The following HCK variants were observed in gnomAD, a reference collection of about 807,000 sequenced individuals.
HCK encodes the protein HCK proto-oncogene, Src family tyrosine kinase, also known as tyrosine-protein kinase HCK.
A neutral mutation model predicts 70.4 loss-of-function variants in HCK; 40 were observed. That is an observed-to-expected ratio of 0.57 (90% CI 0.44 to 0.74). HCK has a LOEUF of 0.74. Among genes scored for constraint, HCK ranks in the 30% least tolerant of loss-of-function variants. HCK has a pLI of 0.00. For synonymous variants in HCK, 245 were observed against 263.2 expected, an observed-to-expected ratio of 0.93 and a Z score of 0.67; for missense variants, 568 against 697.2, an observed-to-expected ratio of 0.81 and a Z score of 2.09.
chr20:32,066,378 C>A (rs150315881), intron 1 of HCK, among the ~76,000 whole-genome samples: 3,951 of 123,636 alleles, frequency 0.032, 69 homozygotes, highest in Middle Eastern at 0.19. Flanking sequence ...GTGGCACGAT[C>A]TTGGCTCACT....
At position 32,071,700 on chromosome 20, in the gene HCK, G is replaced by A; in HGVS notation, c.101G>A (p.Gly34Asp). The A allele has an allele frequency of 6.2e-7, 1 of 1,614,158 alleles. No homozygotes were observed. The highest frequency in any genetic ancestry group is 8.5e-7 in the Non-Finnish European group (1 of 1,180,016). The change falls in exon 2 of 13, where the codon GGC becomes GAC. Residue 34 changes from glycine to aspartate, a missense_variant. By Grantham distance (94) the Gly-to-Asp change is moderately conservative (BLOSUM62 -1). Transcript: ENST00000375852. ...AAGTCCAAGTTCCTCCAGGTCGGAG[G>A]CAATACATTCTCAAAAACTGAAACC...
chr20:32,061,217 T>C (rs1217541959), intron 1 of HCK, among the ~76,000 whole-genome samples: 1 of 152,056 alleles, frequency 6.6e-6, no homozygotes, highest in Non-Finnish European at 1.5e-5. Flanking sequence ...CTCCTGACCT[T>C]GTGATTCGCC....
intron 1 of HCK, among the ~76,000 whole-genome samples, chr20:32,054,700 G>A (rs1457649886): frequency 2.0e-5 from 3 of 152,010 alleles, no homozygotes; most frequent in African/African-American, 4.8e-5. Flanking sequence ...CAGCTACTGG[G>A]GAGGCTGAGG....
chr20:32,094,694 G>GAA (rs1569009117), intron 11 of HCK, among the ~76,000 whole-genome samples: 32 of 87,892 alleles, frequency 3.6e-4, no homozygotes, highest in African/African-American at 1.9e-3. Flanking sequence ...CAAAAGAAAA[G>GAA]AAAAGAAAAG....
chr20:32,083,652 A>G (rs2045737466), intron 6 of HCK, among the ~76,000 whole-genome samples: 1 of 152,202 alleles, frequency 6.6e-6, no homozygotes, highest in Admixed American at 6.5e-5. Flanking sequence ...CATTTTACAG[A>G]TGAGAAAACT....
At chr20:32,084,352 G>T in intron 7 of HCK, 39 bp from the exon 8 acceptor site, 1 of 1,584,358 alleles carries the variant, frequency 6.3e-7, no homozygotes, top group Admixed American at 1.8e-5. Context: ...GGCTGGCTCG[G>T]TGCTTGTTGC....
intron 1 of HCK, among the ~76,000 whole-genome samples, chr20:32,052,785 G>T (rs991265806): frequency 4.7e-5 from 6 of 128,586 alleles, no homozygotes; most frequent in South Asian, 2.2e-4. Context: ...CCCTTCTTGG[G>T]GGGGGGCGGG....
intron 4 of HCK, among the ~76,000 whole-genome samples, chr20:32,074,115 T>A (rs1235013841): frequency 6.6e-6 from 1 of 152,138 alleles, no homozygotes; most frequent in Non-Finnish European, 1.5e-5. Context: ...CCAGGCCCCA[T>A]CGAGTCGACC....
intron 1 of HCK, among the ~76,000 whole-genome samples, chr20:32,063,992 CTTTTTTTTTTTTTTT>C (rs58620860): frequency 1.1e-4 from 6 of 54,210 alleles, no homozygotes; most frequent in Admixed American, 3.2e-4. Context: ...ATCTCTACTT[CTTTTTTTTTTTTTTT>C]TTTTTTTTTT....
chr20:32,067,893 A>G (rs2045482944), intron 1 of HCK, among the ~76,000 whole-genome samples: 1 of 152,182 alleles, frequency 6.6e-6, no homozygotes, highest in Non-Finnish European at 1.5e-5. Flanking sequence ...TAATTTTTAT[A>G]TTTATTATAT....
chr20:32,098,239 C>T (rs1401605976), intron 11 of HCK, among the ~76,000 whole-genome samples: 1 of 151,886 alleles, frequency 6.6e-6, no homozygotes, highest in Non-Finnish European at 1.5e-5. Flanking sequence ...ATGGAGTTGG[C>T]CAGGCTGGTC....
chr20:32,054,597 G>A (rs2045240396), intron 1 of HCK, among the ~76,000 whole-genome samples: 1 of 147,848 alleles, frequency 6.8e-6, no homozygotes, highest in African/African-American at 2.5e-5. Context: ...ACGAGGTCAG[G>A]AGATCGAGAC....
intron 1 of HCK, among the ~76,000 whole-genome samples, chr20:32,062,772 G>A (rs1361675143): frequency 1.3e-5 from 2 of 152,208 alleles, no homozygotes; most frequent in South Asian, 2.1e-4. Flanking sequence ...GTCACTCGGG[G>A]ATAAAGACAG....
intron 1 of HCK, among the ~76,000 whole-genome samples, chr20:32,053,979 G>A (rs1240048128): frequency 2.0e-5 from 3 of 151,228 alleles, no homozygotes; most frequent in Non-Finnish European, 4.4e-5. Context: ...CTTATCCCAT[G>A]GTTTTCTCTT....
Position 32,079,075 on chromosome 20 carries a change from C to T in HCK, c.429-699C>T, listed in dbSNP as rs867757980. ...GTCTGGGGCTTTTTTCCAACTGCTC[C>T]TCACCCCAGTGAAGGTGGGAATGGA... is the stretch of plus-strand genomic sequence containing the variant. On this transcript the variant is annotated intron_variant, in intron 5 of 12. Transcript: ENST00000375852. 1.6e-4 allele frequency among the ~76,000 whole-genome samples: 25 copies of T among 152,278 alleles called. 2 individuals are homozygous for T. In the Middle Eastern group the frequency reaches 0.031, roughly 186 times the overall value.
Position 32,059,608 on chromosome 20 carries a change from G to A in HCK, c.62+7122G>A, listed in dbSNP as rs531633156. 2.1e-4 allele frequency among the ~76,000 whole-genome samples: 32 copies of A among 151,714 alleles called. No homozygotes were observed. The South Asian group carries it at 6.2e-3, about 30-fold the overall frequency. ...ATGGCTCATGCAGCCCCAACCTCCT[G>A]CGCTCAAGCGATCCTCCCACCTCAG... On this transcript the variant is annotated intron_variant, in intron 1 of 12. Coordinates refer to ENST00000375852, the MANE Select transcript of HCK (RefSeq NM_002110.5).
At chr20:32,074,793 C>A in intron 5 of HCK, 72 bp downstream of exon 5, 2 of 997,226 alleles carry the variant, frequency 2.0e-6, no homozygotes, top group Non-Finnish European at 1.6e-6. Flanking sequence ...CTCAGGACGT[C>A]TGCACACACT....
chr20:32,091,425 G>A (rs1048557243), intron 10 of HCK, among the ~76,000 whole-genome samples: 3 of 152,186 alleles, frequency 2.0e-5, no homozygotes, highest in Admixed American at 2.0e-4. Context: ...TGTGGAAATG[G>A]GGCTGATAAC....
At chr20:32,094,876 T>C (rs1477743739) in intron 11 of HCK, among the ~76,000 whole-genome samples, 1 of 151,546 alleles carries the variant, frequency 6.6e-6, no homozygotes, top group African/African-American at 2.4e-5. Context: ...CACAAGCCAA[T>C]GCTAAATGCA....
Sources: allele counts gnomAD v4.1 joint callset (sites outside exome capture counted in the v4.1 genomes callset), GRCh38; gene constraint gnomAD v4.1.1; transcripts MANE v1.5; gene names NCBI Gene and HGNC (gene_info 2026-07-23, HGNC 2026-07-21).